Variants in PKP4 observed in about 807,000 individuals in gnomAD.
The protein encoded by PKP4 is plakophilin-4.
PKP4 carries 90 observed loss-of-function variants against 145.1 expected under a neutral mutation model. The ratio of observed to expected loss-of-function variants is 0.62; its 90% CI spans 0.52 to 0.74. The LOEUF is 0.74. PKP4 is among the 30% of genes least tolerant of loss of function. The probability of loss-of-function intolerance (pLI) is 0.00; values close to 1 mark genes in which losing one functional copy is unlikely to be tolerated. For missense variants in PKP4, 1,340 were observed against 1,482.7 expected, an observed-to-expected ratio of 0.90 and a Z score of 1.58; for synonymous variants, 563 against 577.2, an observed-to-expected ratio of 0.98 and a Z score of 0.35.
At chr2:158,519,960 A>G (rs988448572) in intron 1 of PKP4, among the ~76,000 whole-genome samples, 1 of 152,270 alleles carries the variant, frequency 6.6e-6, no homozygotes, top group African/African-American at 2.4e-5. Flanking sequence ...CTATGGTGCT[A>G]TAAAGGATCC....
At chr2:158,518,217 C>G (rs1027409877) in intron 1 of PKP4, among the ~76,000 whole-genome samples, 1 of 152,180 alleles carries the variant, frequency 6.6e-6, no homozygotes, top group Non-Finnish European at 1.5e-5. Context: ...GGTCTTGGCT[C>G]GAATGGCTGT....
chr2:158,637,641 G>A (rs1053747602), intron 9 of PKP4, among the ~76,000 whole-genome samples: 3 of 152,216 alleles, frequency 2.0e-5, no homozygotes, highest in African/African-American at 7.2e-5. Flanking sequence ...CATGGGACTC[G>A]TGGATGTTTC....
intron 15 of PKP4, among the ~76,000 whole-genome samples, chr2:158,664,018 G>A (rs1402541788): frequency 6.6e-6 from 1 of 152,192 alleles, no homozygotes; most frequent in Non-Finnish European, 1.5e-5. Flanking sequence ...AGGCCTGAAG[G>A]CCAAACTTCA....
intron 1 of PKP4, among the ~76,000 whole-genome samples, chr2:158,468,134 C>A (rs1216007343): frequency 6.6e-6 from 1 of 152,142 alleles, no homozygotes; most frequent in Non-Finnish European, 1.5e-5. Flanking sequence ...GGGAAATGCC[C>A]AGGAATACAA....
chr2:158,663,575 G>A (rs546862098), intron 15 of PKP4, 130 bp downstream of exon 15: 3 of 726,750 alleles, frequency 4.1e-6, no homozygotes, highest in East Asian at 5.4e-5. Context: ...TAGCTTGTGT[G>A]TGAAGGGGTT....
chr2:158,464,152 A>G (rs952673162), intron 1 of PKP4, among the ~76,000 whole-genome samples: 6 of 152,232 alleles, frequency 3.9e-5, no homozygotes, highest in African/African-American at 1.4e-4. Flanking sequence ...ACAGTGAGAA[A>G]GATCCACTTC....
rs1019724361 is a variant in PKP4 at position 158,513,952 on chromosome 2, G to A, written c.-5-19228G>A. On this transcript the variant is annotated intron_variant, in intron 1 of 21. Transcript: ENST00000389759. ...AAGTCTCATCTTCCCTGACGACCCCGCTCTCCCATGCGAAGTTGAGCTCCC... is the reference window on the plus strand; with the variant it reads ...AAGTCTCATCTTCCCTGACGACCCCACTCTCCCATGCGAAGTTGAGCTCCC... Among the ~76,000 whole-genome samples the A allele has an allele frequency of 3.3e-5, 5 of 152,134 alleles. No homozygotes were observed. The East Asian group carries it at 5.8e-4, about 18-fold the overall frequency.
At chr2:158,520,038 C>A (rs1369872315) in intron 1 of PKP4, among the ~76,000 whole-genome samples, 3 of 151,914 alleles carry the variant, frequency 2.0e-5, no homozygotes, top group Admixed American at 6.6e-5. Context: ...TTTTTTCCTT[C>A]TTTCCTCTAT....
chr2:158,654,354 G>A (rs2055702544), intron 11 of PKP4, among the ~76,000 whole-genome samples: 1 of 151,360 alleles, frequency 6.6e-6, no homozygotes, highest in African/African-American at 2.4e-5. Context: ...ATTTTTTTTT[G>A]GAAGTTGCAG....
chr2:158,516,354 C>A (rs1299912447), intron 1 of PKP4, among the ~76,000 whole-genome samples: 1 of 152,136 alleles, frequency 6.6e-6, no homozygotes, highest in Non-Finnish European at 1.5e-5. Flanking sequence ...TTAAGAGGAA[C>A]CATGTTCTGC....
chr2:158,587,911 A>T (rs933730339), intron 3 of PKP4, among the ~76,000 whole-genome samples: 1 of 151,128 alleles, frequency 6.6e-6, no homozygotes, highest in Non-Finnish European at 1.5e-5. Context: ...TGTGTAACCA[A>T]TATTTTGTGT....
At chr2:158,620,920 T>C in intron 4 of PKP4, 70 bp from the exon 5 acceptor site, 1 of 1,375,306 alleles carries the variant, frequency 7.3e-7, no homozygotes, top group Non-Finnish European at 1.0e-6. Context: ...TTGACAAACA[T>C]CTGAACCTTT....
At chr2:158,629,065 A>G (rs140292884) in intron 7 of PKP4, among the ~76,000 whole-genome samples, 38 of 152,376 alleles carry the variant, frequency 2.5e-4, no homozygotes, top group Non-Finnish European at 4.9e-4. Context: ...TGGGCTCCAT[A>G]AAGAAATAGA....
intron 1 of PKP4, among the ~76,000 whole-genome samples, chr2:158,483,378 TA>T (rs5835709): frequency 0.85 from 126,668 of 148,328 alleles, 54,284 homozygotes; most frequent in Middle Eastern, 0.92. Flanking sequence ...TTTTTTTTTT[TA>T]AATCATTTTG....
chr2:158,576,296 A>G (rs939136791), intron 2 of PKP4, among the ~76,000 whole-genome samples: 2 of 152,214 alleles, frequency 1.3e-5, no homozygotes, highest in African/African-American at 2.4e-5. Flanking sequence ...TTATTTCTGA[A>G]TAGTTTCTAG....
At chr2:158,541,153 A>G (rs1216078169) in intron 2 of PKP4, among the ~76,000 whole-genome samples, 1 of 152,146 alleles carries the variant, frequency 6.6e-6, no homozygotes, top group Non-Finnish European at 1.5e-5. Context: ...TTTTCCCTTC[A>G]GGTATAACCC....
At chr2:158,574,613 A>G (rs1238546235) in intron 2 of PKP4, among the ~76,000 whole-genome samples, 1 of 152,252 alleles carries the variant, frequency 6.6e-6, no homozygotes, top group Non-Finnish European at 1.5e-5. Flanking sequence ...GAGGAATAGT[A>G]ATAGTTTTGC....
chr2:158,591,608 T>G (rs1437168352), intron 3 of PKP4, among the ~76,000 whole-genome samples: 1 of 152,098 alleles, frequency 6.6e-6, no homozygotes, highest in East Asian at 1.9e-4. Context: ...CAGATCTTAA[T>G]TTTCTGACTG....
At chr2:158,529,192 T>G (rs2043283125) in intron 1 of PKP4, among the ~76,000 whole-genome samples, 1 of 152,200 alleles carries the variant, frequency 6.6e-6, no homozygotes, top group African/African-American at 2.4e-5. Context: ...CTCCAACCTT[T>G]AATTTTGATT....
Sources: gnomAD v4.1 joint callset for allele counts (sites outside exome capture counted in the v4.1 genomes callset) on GRCh38, gnomAD v4.1.1 for gene constraint, MANE v1.5 for transcripts, NCBI Gene and HGNC (gene_info 2026-07-23, HGNC 2026-07-21) for gene names.